LINGO2: variants seen among roughly 807,000 people sequenced by gnomAD.
LINGO2 encodes leucine rich repeat and Ig domain containing 2.
A neutral mutation model predicts 30.6 loss-of-function variants in LINGO2; 14 were observed. The observed-to-expected ratio is 0.46, with a 90% CI of 0.30 to 0.72. LINGO2 has a LOEUF of 0.72. Among genes scored for constraint, LINGO2 ranks in the 30% least tolerant of loss-of-function variants. LINGO2 has a pLI of 0.07. For missense variants in LINGO2, 729 were observed against 751.7 expected, an observed-to-expected ratio of 0.97 and a Z score of 0.35; for synonymous variants, 317 against 288.5, an observed-to-expected ratio of 1.10 and a Z score of -1.00.
intron 1 of LINGO2, among the ~76,000 whole-genome samples, chr9:28,477,792 T>A (rs957025268): frequency 6.6e-6 from 1 of 152,198 alleles, no homozygotes; most frequent in Admixed American, 6.5e-5. Context: ...TTTTACTTCT[T>A]TGGTTAAAAT....
chr9:28,304,132 G>A (rs575289987), intron 3 of LINGO2, among the ~76,000 whole-genome samples: 1 of 151,628 alleles, frequency 6.6e-6, no homozygotes, highest in East Asian at 1.9e-4. Context: ...TCCTTCTGAT[G>A]AATTCTTTTT....
chr9:29,126,614 A>T, the LINGO2 span, among the ~76,000 whole-genome samples: 18 of 152,188 alleles, frequency 1.2e-4, no homozygotes, highest in African/African-American at 3.9e-4. Context: ...TATTCTCAGA[A>T]TCTTCATGTT....
intron 1 of LINGO2, among the ~76,000 whole-genome samples, chr9:28,510,797 G>A (rs1206815329): frequency 6.6e-6 from 1 of 151,856 alleles, no homozygotes; most frequent in South Asian, 2.1e-4. Flanking sequence ...CTATCTATTT[G>A]GGAGTTTATT....
At chr9:28,479,900 TATATAC>T (rs1564228182) in intron 1 of LINGO2, among the ~76,000 whole-genome samples, 37 of 124,900 alleles carry the variant, frequency 3.0e-4, no homozygotes, top group African/African-American at 1.0e-3. Flanking sequence ...TGTATGTGTA[TATATAC>T]GTAGGTATAT....
intron 4 of LINGO2, among the ~76,000 whole-genome samples, chr9:28,208,756 T>G (rs1407497477): frequency 1.3e-5 from 2 of 152,034 alleles, no homozygotes; most frequent in African/African-American, 2.4e-5. Flanking sequence ...TATGTACTCA[T>G]AGGCATATAA....
At chr9:28,030,263 C>A (rs976415352) in intron 4 of LINGO2, among the ~76,000 whole-genome samples, 3 of 152,092 alleles carry the variant, frequency 2.0e-5, no homozygotes, top group African/African-American at 7.2e-5. Flanking sequence ...TTAAGTGAGG[C>A]CATTTCTGAG....
At chr9:28,192,114 C>A (rs1168610038) in intron 4 of LINGO2, among the ~76,000 whole-genome samples, 1 of 152,040 alleles carries the variant, frequency 6.6e-6, no homozygotes, top group African/African-American at 2.4e-5. Context: ...ACAGCCTCTT[C>A]ATGACTCTGC....
the LINGO2 span, among the ~76,000 whole-genome samples, chr9:29,187,263 C>T: frequency 6.6e-6 from 1 of 152,134 alleles, no homozygotes; most frequent in African/African-American, 2.4e-5. Flanking sequence ...CATGGATCAC[C>T]CTGCTGGAGA....
At chr9:29,004,702 G>A in the LINGO2 span, among the ~76,000 whole-genome samples, 12 of 151,834 alleles carry the variant, frequency 7.9e-5, no homozygotes, top group Non-Finnish European at 1.3e-4. Context: ...AGCAATTCCA[G>A]GCAGTTACTA....
At chr9:28,234,959 G>A (rs1330290348) in intron 4 of LINGO2, among the ~76,000 whole-genome samples, 1 of 152,198 alleles carries the variant, frequency 6.6e-6, no homozygotes, top group East Asian at 1.9e-4. Context: ...TAGAACATAA[G>A]GTGAATTGCT....
At chr9:28,165,749 C>T (rs1828410409) in intron 4 of LINGO2, among the ~76,000 whole-genome samples, 2 of 152,132 alleles carry the variant, frequency 1.3e-5, no homozygotes, top group Admixed American at 6.5e-5. Context: ...TTTCCCTTCT[C>T]AATTTACCAA....
the LINGO2 span, among the ~76,000 whole-genome samples, chr9:28,882,412 T>C: frequency 1.3e-5 from 2 of 152,182 alleles, no homozygotes; most frequent in African/African-American, 4.8e-5. Context: ...TTGAGAAGTT[T>C]GGAAACAATG....
chr9:28,121,233 G>GA (rs1399367850), intron 4 of LINGO2, among the ~76,000 whole-genome samples: 1 of 149,326 alleles, frequency 6.7e-6, no homozygotes. Context: ...TCTCAGTGCA[G>GA]AGGTTTTTTT....
intron 5 of LINGO2, among the ~76,000 whole-genome samples, chr9:28,001,083 G>A (rs115504921): frequency 0.018 from 2,679 of 152,172 alleles, 66 homozygotes; most frequent in African/African-American, 0.061. Flanking sequence ...CCATCAATGT[G>A]TTTTCACACA....
At chr9:28,682,011 T>C in the LINGO2 span, among the ~76,000 whole-genome samples, 12 of 152,076 alleles carry the variant, frequency 7.9e-5, no homozygotes, top group Middle Eastern at 6.3e-3. Flanking sequence ...CAAGCTGAAA[T>C]GGCAGCAGAA....
At chr9:29,120,373 T>G in the LINGO2 span, among the ~76,000 whole-genome samples, 1 of 151,872 alleles carries the variant, frequency 6.6e-6, no homozygotes, top group African/African-American at 2.4e-5. Flanking sequence ...ATTTGGGGGA[T>G]GTAGAACCAA....
At chr9:28,997,869 C>T in the LINGO2 span, among the ~76,000 whole-genome samples, 25 of 133,450 alleles carry the variant, frequency 1.9e-4, 1 homozygote, top group South Asian at 6.1e-3. Context: ...AGTTATAATT[C>T]GTTTGTCACT....
the LINGO2 span, among the ~76,000 whole-genome samples, chr9:28,722,282 C>G: frequency 6.6e-6 from 1 of 152,044 alleles, no homozygotes; most frequent in African/African-American, 2.4e-5. Flanking sequence ...AAAAGTATCC[C>G]TTCCTTTGGG....
intron 1 of LINGO2, among the ~76,000 whole-genome samples, chr9:28,597,678 C>A (rs1486392000): frequency 6.6e-6 from 1 of 152,158 alleles, no homozygotes; most frequent in Non-Finnish European, 1.5e-5. Context: ...CATAGAAGTA[C>A]AGCTTCCATG....
Sources: allele counts gnomAD v4.1 joint callset (sites outside exome capture counted in the v4.1 genomes callset), GRCh38; gene constraint gnomAD v4.1.1; transcripts MANE v1.5; gene names NCBI Gene and HGNC (gene_info 2026-07-23, HGNC 2026-07-21).